STX8: variants seen among roughly 807,000 people sequenced by gnomAD.
The protein encoded by STX8 is syntaxin-8.
A neutral mutation model predicts 37.5 loss-of-function variants in STX8; 23 were observed. That is an observed-to-expected ratio of 0.61 (90% CI 0.44 to 0.87). The LOEUF is 0.87. Among genes scored for constraint, STX8 ranks in the 40% least tolerant of loss-of-function variants. The pLI, the probability that STX8 is intolerant of heterozygous loss-of-function variation, is 0.00. For missense variants in STX8, 313 were observed against 284.7 expected (o/e 1.10, Z -0.71); for synonymous variants, 115 against 99.1 (o/e 1.16, Z -0.95).
chr17:9,435,620 T>C (rs1445917518), intron 6 of STX8, among the ~76,000 whole-genome samples: 1 of 152,142 alleles, frequency 6.6e-6, no homozygotes, highest in Non-Finnish European at 1.5e-5. Flanking sequence ...ATATGTGGAA[T>C]TGAAATAGAG....
intron 7 of STX8, among the ~76,000 whole-genome samples, chr17:9,330,305 C>T (rs1175348968): frequency 2.6e-5 from 4 of 152,188 alleles, no homozygotes; most frequent in Non-Finnish European, 5.9e-5. Context: ...CACAGTAGCC[C>T]ACCAGGGGGA....
At chr17:9,388,056 T>G (rs1912077958) in intron 6 of STX8, among the ~76,000 whole-genome samples, 1 of 151,628 alleles carries the variant, frequency 6.6e-6, no homozygotes, top group Admixed American at 6.6e-5. Context: ...TAGTTGTTGT[T>G]TCTAAACAAC....
chr17:9,334,242 C>T (rs1343029526), intron 7 of STX8, among the ~76,000 whole-genome samples: 3 of 152,042 alleles, frequency 2.0e-5, no homozygotes, highest in Non-Finnish European at 4.4e-5. Context: ...GAAACCATCT[C>T]AAGTCCTGAC....
chr17:9,518,910 ACATT>A (rs1200653437), intron 4 of STX8, among the ~76,000 whole-genome samples: 2 of 151,928 alleles, frequency 1.3e-5, no homozygotes, highest in Non-Finnish European at 2.9e-5. Context: ...ATGCTTAAAG[ACATT>A]CATTCTATGC....
intron 7 of STX8, among the ~76,000 whole-genome samples, chr17:9,289,744 C>A (rs1908247864): frequency 6.6e-6 from 1 of 151,606 alleles, no homozygotes; most frequent in African/African-American, 2.4e-5. Flanking sequence ...CGCGCCACTG[C>A]AGTCCAGCCT....
intron 7 of STX8, among the ~76,000 whole-genome samples, chr17:9,367,222 G>C (rs1911256711): frequency 7.6e-6 from 1 of 131,852 alleles, no homozygotes; most frequent in Non-Finnish European, 1.6e-5. Context: ...TCCAAGTTTT[G>C]TTTCTGTTTT....
chr17:9,295,576 T>C (rs908189525), intron 7 of STX8, among the ~76,000 whole-genome samples: 1 of 150,506 alleles, frequency 6.6e-6, no homozygotes, highest in Non-Finnish European at 1.5e-5. Context: ...ATCCCGTCTC[T>C]ACTAAAAATA....
At chr17:9,532,307 T>C (rs142267227) in intron 4 of STX8, among the ~76,000 whole-genome samples, 174 of 152,340 alleles carry the variant, frequency 1.1e-3, no homozygotes, top group African/African-American at 3.8e-3. Flanking sequence ...GAGTATTACT[T>C]TAAGCCTTCT....
At chr17:9,431,784 G>C (rs1248629252) in intron 6 of STX8, among the ~76,000 whole-genome samples, 2 of 152,198 alleles carry the variant, frequency 1.3e-5, no homozygotes, top group East Asian at 3.8e-4. Flanking sequence ...ATGGTGTTAA[G>C]ACCACGAGTG....
At chr17:9,304,923 A>AT (rs1908918067) in intron 7 of STX8, among the ~76,000 whole-genome samples, 1 of 133,866 alleles carries the variant, frequency 7.5e-6, no homozygotes, top group African/African-American at 3.5e-5. Flanking sequence ...GCGAAAAAAA[A>AT]AATATGTATA....
intron 7 of STX8, among the ~76,000 whole-genome samples, chr17:9,259,282 A>G (rs1429844673): frequency 6.6e-6 from 1 of 152,202 alleles, no homozygotes. Flanking sequence ...CTGGCACTCA[A>G]TAAATGGTAA....
chr17:9,398,941 C>T (rs1056080242), intron 6 of STX8, among the ~76,000 whole-genome samples: 3 of 149,912 alleles, frequency 2.0e-5, no homozygotes, highest in Non-Finnish European at 3.0e-5. Flanking sequence ...CCCAGCTACT[C>T]GGGAGGTGGA....
chr17:9,429,967 TATATATTATATAGA>T (rs1396783095), intron 6 of STX8, among the ~76,000 whole-genome samples: 2 of 1,784 alleles, frequency 1.1e-3, no homozygotes, highest in Non-Finnish European at 1.6e-3. Context: ...ATATATATAT[TATATATTATATAGA>T]ATATATTATA....
chr17:9,340,777 C>T (rs188289297), intron 7 of STX8, among the ~76,000 whole-genome samples: 2 of 149,924 alleles, frequency 1.3e-5, no homozygotes, highest in Non-Finnish European at 3.0e-5. Context: ...CCTGCCTCAG[C>T]GTCCTGAGTA....
intron 6 of STX8, among the ~76,000 whole-genome samples, chr17:9,449,356 C>T (rs1174004685): frequency 2.0e-5 from 3 of 152,146 alleles, no homozygotes; most frequent in Non-Finnish European, 4.4e-5. Context: ...GTCAGGAGAT[C>T]GAGACCACCC....
chr17:9,321,272 G>T (rs1436347662), intron 7 of STX8, among the ~76,000 whole-genome samples: 1 of 152,102 alleles, frequency 6.6e-6, no homozygotes, highest in Non-Finnish European at 1.5e-5. Flanking sequence ...GCTGACGCCT[G>T]TAATCCCAGC....
intron 3 of STX8, among the ~76,000 whole-genome samples, chr17:9,547,103 C>T (rs1177094618): frequency 6.6e-6 from 1 of 151,706 alleles, no homozygotes; most frequent in African/African-American, 2.4e-5. Context: ...TAAAAACTAG[C>T]CAGGCGTGGT....
At chr17:9,565,044 C>T (rs1234061935) in intron 2 of STX8, among the ~76,000 whole-genome samples, 1 of 151,734 alleles carries the variant, frequency 6.6e-6, no homozygotes, top group Non-Finnish European at 1.5e-5. Flanking sequence ...CCCATCTCTA[C>T]TAAAACTACA....
chr17:9,468,992 G>A (rs1905731866), intron 6 of STX8: 1 of 152,220 alleles, frequency 6.6e-6, no homozygotes, highest in Non-Finnish European at 1.5e-5. Flanking sequence ...GTGCCTCAAT[G>A]CCTCTATGGA....
Sources: allele counts gnomAD v4.1 joint callset (sites outside exome capture counted in the v4.1 genomes callset), GRCh38; gene constraint gnomAD v4.1.1; transcripts MANE v1.5; gene names NCBI Gene and HGNC (gene_info 2026-07-23, HGNC 2026-07-21).